C10orf120: variants seen among roughly 807,000 people sequenced by gnomAD.
C10orf120 encodes the protein chromosome 10 open reading frame 120, also known as uncharacterized protein C10orf120.
A neutral mutation model predicts 10.8 loss-of-function variants in C10orf120; 15 were observed. The observed-to-expected ratio is 1.39, with a 90% CI of 0.93 to 2.14. The LOEUF is 2.14. Among genes scored for constraint, C10orf120 ranks in the 30% most tolerant of loss-of-function variants. The pLI, the probability that C10orf120 is intolerant of heterozygous loss-of-function variation, is 0.00. For missense variants in C10orf120, 447 were observed against 411.3 expected, an observed-to-expected ratio of 1.09 and a Z score of -0.75; for synonymous variants, 141 against 138.9, an observed-to-expected ratio of 1.02 and a Z score of -0.11.
Position 122,698,124 on chromosome 10 carries a change from T to G in C10orf120, c.617A>C (p.Asn206Thr), listed in dbSNP as rs1845812165. The change falls in exon 3 of 3, where the codon AAT (asparagine) becomes ACT (threonine). Residue 206 changes from asparagine (N) to threonine (T), a missense_variant. Transcript: ENST00000329446. ...GTTGTCTTCCTTTCGTCTGGCCTTATTTTTTGCCATTGGACCCAGGCCCAC... is the reference window on the plus strand; with the variant it reads ...GTTGTCTTCCTTTCGTCTGGCCTTAGTTTTTGCCATTGGACCCAGGCCCAC... ...SGVGLGPMAK[N>T]KARRKEDNYD... The G allele has an allele frequency of 6.2e-7, 1 of 1,613,974 alleles. No individual in the cohort carries two copies. The highest frequency in any genetic ancestry group is 8.5e-7 in the Non-Finnish European group (1 of 1,179,990).
rs1566144226 is a variant in C10orf120, at chr10:122,698,226, C to G, written c.515G>C (p.Arg172Thr). ...VNVSKHIERM[R>T]LARALGNHQP... is the part of the protein sequence containing the mutation. Reference sequence around the variant, plus strand: ...ATGATTTCCCAGAGCCCGAGCAAGCCTCATCCTCTCTATGTGCTTACTGAC... The same window carrying G: ...ATGATTTCCCAGAGCCCGAGCAAGCGTCATCCTCTCTATGTGCTTACTGAC... Residue 172 changes from arginine to threonine, a missense_variant, in exon 3 of 3, where the codon AGG becomes ACG. Coordinates refer to ENST00000329446, the MANE Select transcript of C10orf120 (RefSeq NM_001010912.4). The G allele has an allele frequency of 6.2e-7, 1 of 1,614,036 alleles. No homozygotes were observed. The highest frequency in any genetic ancestry group is 8.5e-7 in the Non-Finnish European group (1 of 1,180,002).
chr10:122,699,632 A>G lies in C10orf120; in HGVS notation c.159T>C (p.Ser53=). 1 of 1,611,422 alleles carries G rather than the reference A, an allele frequency of 6.2e-7. No individual in the cohort carries two copies. The highest frequency in any genetic ancestry group is 8.5e-7 in the Non-Finnish European group (1 of 1,178,562). Residue 53 remains serine (S), a synonymous_variant, in exon 1 of 3, where the codon AGT becomes AGC. Coordinates refer to ENST00000329446, the MANE Select transcript of C10orf120 (RefSeq NM_001010912.4). ...AGACTCACCGCAACGGTGAAGCAGA[A>G]CTCAGATCCTCTTGGCAACACGTTG... The part of the protein sequence containing the change: ...QAPTCCQEDL[S]SASPLRIWSK...
Position 122,698,252 on chromosome 10 carries a change from G to A in C10orf120, c.489C>T (p.Asn163=), listed in dbSNP as rs546338112. The part of the protein sequence containing the change: ...AFKMPQREQV[N]VSKHIERMRL... ...TCATCCTCTCTATGTGCTTACTGACGTTCACCTGCTCTCGTTGTGGCATTT... is the reference window on the plus strand; with the variant it reads ...TCATCCTCTCTATGTGCTTACTGACATTCACCTGCTCTCGTTGTGGCATTT... The change falls in exon 3 of 3, where the codon AAC becomes AAT. Residue 163 remains asparagine (N), a synonymous_variant. Transcript: ENST00000329446. 4.6e-5 allele frequency: 75 copies of A among 1,614,190 alleles called. No homozygotes were observed. The Admixed American group carries it at 7.0e-4, about 15-fold the overall frequency.
rs201845744 is a variant in C10orf120 at position 122,698,225 on chromosome 10, C to A, written c.516G>T (p.Arg172Ser). The A allele has an allele frequency of 4.7e-5, 76 of 1,613,996 alleles. 3 individuals carry two copies. The South Asian group carries it at 5.4e-4, about 11-fold the overall frequency. Residue 172 changes from arginine to serine, a missense_variant, in exon 3 of 3, where the codon AGG becomes AGT. Coordinates refer to ENST00000329446, the MANE Select transcript of C10orf120 (RefSeq NM_001010912.4). ...VNVSKHIERMRLARALGNHQP... is the reference protein window; with the variant it reads ...VNVSKHIERMSLARALGNHQP... ...GATGATTTCCCAGAGCCCGAGCAAG[C>A]CTCATCCTCTCTATGTGCTTACTGA...
intron 2 of C10orf120, 80 bp downstream of exon 2, chr10:122,699,257 C>T (rs1224891681): frequency 2.3e-6 from 2 of 856,334 alleles, no homozygotes; most frequent in African/African-American, 1.7e-5. Flanking sequence ...TTACTGGTGG[C>T]TTCTGAACCT....
Position 122,698,378 on chromosome 10 carries a change from T to C in C10orf120, c.363A>G (p.Gln121=), listed in dbSNP as rs769244728. 7 of 1,614,082 alleles carry C rather than the reference T, an allele frequency of 4.3e-6. No individual in the cohort carries two copies. In the Admixed American group the frequency reaches 1.0e-4, roughly 23 times the overall value. ...AATGTTTCTTTTTATACTCCATTGC[T>C]TGTTTGTAGTCCGGAGACAGCAACT... The part of the protein sequence containing the change: ...ELQLLSPDYK[Q]AMEYKKKHSS... The change falls in exon 3 of 3, where the codon CAA becomes CAG. Residue 121 remains glutamine (Q), a synonymous_variant. Transcript: ENST00000329446.
Position 122,697,823 on chromosome 10 carries a change from G to T in C10orf120, c.918C>A (p.Asp306Glu), listed in dbSNP as rs1845806602. ...LMNQDFISRR[D>E]HFSDLVKTYS... ...AGGTCTTGACCAGATCACTGAAGTG[G>T]TCTCTCCGTGATATAAAATCCTGAT... The change falls in exon 3 of 3, where the codon GAC (aspartate) becomes GAA (glutamate). Residue 306 changes from aspartate (D) to glutamate (E), a missense_variant. Physicochemically the swap from Asp to Glu is conservative, Grantham distance 45 (BLOSUM62 2). Coordinates refer to ENST00000329446, the MANE Select transcript of C10orf120 (RefSeq NM_001010912.4). 1.9e-6 allele frequency: 3 copies of T among 1,613,174 alleles called. No individual in the cohort carries two copies. The highest frequency in any genetic ancestry group is 3.3e-5 in the Admixed American group (2 of 59,998).
Sources: allele counts gnomAD v4.1 joint callset, GRCh38; gene constraint gnomAD v4.1.1; transcripts MANE v1.5; gene names NCBI Gene and HGNC (gene_info 2026-07-23, HGNC 2026-07-21).